POLE: variants seen among roughly 807,000 people sequenced by gnomAD.
POLE encodes DNA polymerase epsilon catalytic subunit A.
POLE carries 188 observed loss-of-function variants against 279.2 expected under a neutral mutation model. The ratio of observed to expected loss-of-function variants is 0.67; its 90% CI spans 0.60 to 0.76. The LOEUF (loss-of-function observed/expected upper bound fraction) is 0.76, where lower values mean the gene tolerates loss of function less well. Among genes scored for constraint, POLE ranks in the 30% least tolerant of loss-of-function variants. POLE has a pLI of 0.00. For synonymous variants in POLE, 1,214 were observed against 1,172.5 expected (o/e 1.04, Z -0.72); for missense variants, 2,703 against 3,016.7 (o/e 0.90, Z 2.44).
rs979252298 is a variant in POLE at position 132,639,872 on chromosome 12, G to A, written c.5379-574C>T. Among the ~76,000 whole-genome samples, 1 of 152,138 alleles carries A rather than the reference G, an allele frequency of 6.6e-6. No homozygotes were observed. Among genetic ancestry groups the A allele is most frequent in the African/African-American group, 2.4e-5 (1 of 41,424 alleles). ...TAAGGCAGGAGAATCGCTTGAACCC[G>A]GGAGGTGGAGGTTGCAGTGACCCAA... is the stretch of plus-strand genomic sequence containing the variant. On this transcript the variant is annotated intron_variant, in intron 39 of 48. Transcript: ENST00000320574. This position sits in a 1 kb window ranked among gnomAD's most constrained non-coding sequence, Gnocchi z 4.7.
rs140182208 is a variant in POLE at position 132,686,257 on chromosome 12, T to C, written c.62+997A>G. Among the ~76,000 whole-genome samples, 632 of 152,048 alleles carry C rather than the reference T, an allele frequency of 4.2e-3. 4 individuals carry two copies. Among genetic ancestry groups the C allele is most frequent in the African/African-American group, 3.5e-3 (146 of 41,480 alleles). ...CTGGCCACCAAGCAGCCGCGTCTTA[T>C]CCTTGCTCTATTTTTTTTGAGACTG... On this transcript the variant is annotated intron_variant, in intron 1 of 48. Transcript: ENST00000320574.
rs778989223 is a variant in POLE at position 132,664,047 on chromosome 12, A to G, written c.2663T>C (p.Val888Ala). Residue 888 changes from valine (V) to alanine (A), a missense_variant, in exon 23 of 49, where the codon GTG (valine) becomes GCG (alanine). Val to Ala is a moderately conservative substitution (Grantham distance 64, BLOSUM62 0). Around this residue, in one of 5 missense-constraint regions of POLE, gnomAD observed 101 missense variants for 115.4 expected, o/e 0.87. Coordinates refer to ENST00000320574, the MANE Select transcript of POLE (RefSeq NM_006231.4). This position sits in a 1 kb window ranked among gnomAD's most constrained non-coding sequence, Gnocchi z 5.3. ...FKTTNVKKPK[V>A]TISYPGAMLN... ...CATGGCGCCTGGGTAGGAGATGGTC[A>G]CTTTGGGCTTCTTCACATTGGTCGT... The G allele has an allele frequency of 3.1e-6, 5 of 1,614,092 alleles. No homozygotes were observed. Among genetic ancestry groups the G allele is most frequent in the East Asian group, 4.5e-5 (2 of 44,890 alleles).
chr12:132,630,389 T>G (rs2041913532), intron 45 of POLE, among the ~76,000 whole-genome samples: 1 of 152,002 alleles, frequency 6.6e-6, no homozygotes, highest in Non-Finnish European at 1.5e-5. Flanking sequence ...AAAAATTAAC[T>G]CAAATGGATA....
chr12:132,685,154 G>T (rs1297690281), intron 1 of POLE, among the ~76,000 whole-genome samples: 2 of 138,894 alleles, frequency 1.4e-5, no homozygotes, highest in African/African-American at 5.4e-5. Flanking sequence ...CCATTGACTG[G>T]TTACTATATC....
At chr12:132,681,093 G>A (rs756775640) in intron 2 of POLE, 45 bp downstream of exon 2, 1 of 1,608,776 alleles carries the variant, frequency 6.2e-7, no homozygotes, top group Admixed American at 1.7e-5. Context: ...ATGACCAGAA[G>A]GGTTGCAGCC....
rs1555221482 is a variant in POLE, at chr12:132,635,894, G to A, written c.5809C>T (p.Leu1937=). The change falls in exon 42 of 49, where the codon CTG becomes TTG. Residue 1937 remains leucine (L), a splice_region_variant and synonymous_variant. Transcript: ENST00000320574. ...GKVSSRIHCG[L]QDSQKAGGAE... is the part of the protein sequence containing the mutation. ...GTGCCACACTGCAGCTCGCTTACCA[G>A]TCCACAGTGAATACGAGATGAAACT... 2.5e-6 allele frequency: 4 copies of A among 1,611,896 alleles called. No individual in the cohort carries two copies. The highest frequency in any genetic ancestry group is 3.4e-6 in the Non-Finnish European group (4 of 1,178,736).
At chr12:132,671,397 G>A (rs2042925202) in intron 16 of POLE, among the ~76,000 whole-genome samples, 1 of 149,308 alleles carries the variant, frequency 6.7e-6, no homozygotes, top group South Asian at 2.1e-4. Flanking sequence ...TAGGCCAGGC[G>A]CGGTGCCTCA....
Position 132,664,564 on chromosome 12 carries a change from G to C in POLE, c.2469-102C>G, listed in dbSNP as rs1041792932. 3.1e-5 allele frequency: 27 copies of C among 869,710 alleles called. No homozygotes were observed. Among genetic ancestry groups the C allele is most frequent in the Non-Finnish European group, 4.5e-5 (24 of 530,506 alleles). 53.9% of individuals were successfully genotyped at this position (869,710 alleles called of 1,614,324 possible). ...GAGGAGGAAAGGAGAGATGCGACAG[G>C]GACAAGGGAAGCAGCCAAATGTGCG... On this transcript the variant is annotated intron_variant, in intron 21 of 48. Coordinates refer to ENST00000320574, the MANE Select transcript of POLE (RefSeq NM_006231.4). This position sits in a 1 kb window ranked among gnomAD's most constrained non-coding sequence, Gnocchi z 5.3.
At position 132,673,166 on chromosome 12, in the gene POLE, C is replaced by T. The variant is rs776770625; in HGVS notation, c.1471G>A (p.Glu491Lys). 96 of 1,595,744 alleles carry T rather than the reference C, an allele frequency of 6.0e-5. No homozygotes were observed. Among genetic ancestry groups the T allele is most frequent in the Middle Eastern group, 3.3e-4 (2 of 6,034 alleles). Residue 491 changes from glutamate (E) to lysine (K), a missense_variant and splice_region_variant, in exon 14 of 49, where the codon GAG (glutamate) becomes AAG (lysine). Glu to Lys is a moderately conservative substitution (Grantham distance 56, BLOSUM62 1). Transcript: ENST00000320574. ...LCTIIPMEPDEVLRKGSGTLC... is the reference protein window; with the variant it reads ...LCTIIPMEPDKVLRKGSGTLC... ...CCGACAGGACAGATAATGCTCACCTCGTCGGGCTCCATGGGAATAATGGTG... is the reference window on the plus strand; with the variant it reads ...CCGACAGGACAGATAATGCTCACCTTGTCGGGCTCCATGGGAATAATGGTG...
At position 132,668,800 on chromosome 12, in the gene POLE, T is replaced by A. The variant is rs1350167511; in HGVS notation, c.1923+11A>T. Reference sequence around the variant, plus strand: ...AGAGCTCCGACTCTGACACGGGAAGTAAAGTCTCACCTGCAGGCGGTTGGT... The same window carrying A: ...AGAGCTCCGACTCTGACACGGGAAGAAAAGTCTCACCTGCAGGCGGTTGGT... On this transcript the variant is annotated intron_variant, in intron 17 of 48. Transcript: ENST00000320574. The surrounding 1 kb of genome is among the most constrained non-coding windows in gnomAD (Gnocchi z 4.0). 1 of 1,613,732 alleles carries A rather than the reference T, an allele frequency of 6.2e-7. No individual in the cohort carries two copies. Among genetic ancestry groups the A allele is most frequent in the Non-Finnish European group, 8.5e-7 (1 of 1,179,828 alleles).
At chr12:132,635,479 GGCCCT>G (rs1240266017) in intron 42 of POLE, among the ~76,000 whole-genome samples, 38 of 152,234 alleles carry the variant, frequency 2.5e-4, no homozygotes, top group Admixed American at 2.1e-3. Context: ...CGAAAGCCGA[GGCCCT>G]GCCCTGCCAT....
At chr12:132,672,093 CCT>C (rs1203127408) in intron 16 of POLE, 120 bp downstream of exon 16, 6 of 703,540 alleles carry the variant, frequency 8.5e-6, no homozygotes, top group Non-Finnish European at 1.0e-5. Context: ...CACCAGAGAC[CCT>C]GTGTCATCCG....
chr12:132,677,851 T>C, intron 6 of POLE, 132 bp from the exon 7 acceptor site: 1 of 852,162 alleles, frequency 1.2e-6, no homozygotes, highest in South Asian at 1.7e-5. Flanking sequence ...ATTGATGTGG[T>C]TTCAACGACC....
intron 12 of POLE, 97 bp from the exon 13 acceptor site, chr12:132,673,804 A>G (rs2042985481): frequency 6.8e-7 from 1 of 1,462,670 alleles, no homozygotes; most frequent in Admixed American, 1.7e-5. Flanking sequence ...AGACAGATGC[A>G]AGTTCCTAAC....
In POLE at chr12:132,687,245, G is replaced by T; in HGVS notation, c.62+9C>A. 6.8e-7 allele frequency: 1 copy of T among 1,479,516 alleles called. No individual in the cohort carries two copies. The allele number at this position is 1,479,516 out of a possible 1,614,324, so 91.6% of individuals were successfully genotyped here. ...GCCGGCCCGAGAGCCTCAGGAGGGC[G>T]CCCCTCACCTGCTGGCCTCGCCATC... On this transcript the variant is annotated intron_variant, in intron 1 of 48. Coordinates refer to ENST00000320574, the MANE Select transcript of POLE (RefSeq NM_006231.4).
At position 132,639,632 on chromosome 12, in the gene POLE, C is replaced by T. The variant is rs5744961; in HGVS notation, c.5379-334G>A. ...GCCGGGGACCCTGACAGGAAGGACACAGCAAAGCCACTGCCTAGACATCAG... is the reference window on the plus strand; with the variant it reads ...GCCGGGGACCCTGACAGGAAGGACATAGCAAAGCCACTGCCTAGACATCAG... On this transcript the variant is annotated intron_variant, in intron 39 of 48. Transcript: ENST00000320574. This position sits in a 1 kb window ranked among gnomAD's most constrained non-coding sequence, Gnocchi z 4.7. Among the ~76,000 whole-genome samples, 602 of 152,308 alleles carry T rather than the reference C, an allele frequency of 4.0e-3. 7 individuals carry two copies. In the East Asian group the frequency reaches 0.04, roughly 10 times the overall value.
In POLE at chr12:132,648,862, C is replaced by T. The variant is rs2138594657; in HGVS notation, c.4149+67G>A. 3.3e-6 allele frequency: 5 copies of T among 1,528,982 alleles called. No individual in the cohort carries two copies. In the East Asian group the frequency reaches 1.1e-4, roughly 35 times the overall value. 94.7% of individuals were successfully genotyped at this position (1,528,982 alleles called of 1,614,324 possible). ...GAGGAGATGGAGGCTGGAGGCCAGG[C>T]TAGATCATGGGAAAGCCACCTCAGG... On this transcript the variant is annotated intron_variant, in intron 32 of 48. Coordinates refer to ENST00000320574, the MANE Select transcript of POLE (RefSeq NM_006231.4).
rs2042685645 is a variant in POLE at position 132,661,683 on chromosome 12, T to A, written c.2708A>T (p.Glu903Val). 6.2e-7 allele frequency: 1 copy of A among 1,613,636 alleles called. No homozygotes were observed. Among genetic ancestry groups the A allele is most frequent in the Non-Finnish European group, 8.5e-7 (1 of 1,179,832 alleles). Reference sequence around the variant, plus strand: ...CTGGTACTGGTCATTGGTGAAGCCTTCCTGAGAAACAAGAGTGAAGAGGGG... The same window carrying A: ...CTGGTACTGGTCATTGGTGAAGCCTACCTGAGAAACAAGAGTGAAGAGGGG... ...PGAMLNIMVK[E>V]GFTNDQYQEL... The change falls in exon 24 of 49, where the codon GAA becomes GTA. Residue 903 changes from glutamate to valine, a missense_variant and splice_region_variant. Glu to Val is a moderately radical substitution (Grantham distance 121). This residue lies in a region of POLE where 101 missense variants were observed against 115.4 expected (regional missense o/e 0.87). Coordinates refer to ENST00000320574, the MANE Select transcript of POLE (RefSeq NM_006231.4). The surrounding 1 kb of genome is among the most constrained non-coding windows in gnomAD (Gnocchi z 4.1).
Position 132,638,154 on chromosome 12 carries a change from G to T in POLE, c.5553-15C>A, listed in dbSNP as rs1341953668. ...CAGCGATGAGCCTGTGGAGCAAGTTGAGAGTCCGTGGTGGAGACGCCACAG... is the reference window on the plus strand; with the variant it reads ...CAGCGATGAGCCTGTGGAGCAAGTTTAGAGTCCGTGGTGGAGACGCCACAG... On this transcript the variant is annotated splice_polypyrimidine_tract_variant and intron_variant, in intron 40 of 48. Coordinates refer to ENST00000320574, the MANE Select transcript of POLE (RefSeq NM_006231.4). The T allele has an allele frequency of 6.2e-7, 1 of 1,612,944 alleles. No homozygotes were observed. The highest frequency in any genetic ancestry group is 1.7e-5 in the Admixed American group (1 of 59,926).
Sources: allele counts gnomAD v4.1 joint callset (sites outside exome capture counted in the v4.1 genomes callset), GRCh38; gene constraint gnomAD v4.1.1; regional missense constraint gnomAD v4.1.1; non-coding constraint Gnocchi (gnomAD v3.1); transcripts MANE v1.5; gene names NCBI Gene and HGNC (gene_info 2026-07-23, HGNC 2026-07-21).